PPP6R2: variants seen among roughly 807,000 people sequenced by gnomAD.
PPP6R2 encodes protein phosphatase 6 regulatory subunit 2.
A neutral mutation model predicts 100.2 loss-of-function variants in PPP6R2; 62 were observed. The ratio of observed to expected loss-of-function variants is 0.62; its 90% CI spans 0.50 to 0.76. The LOEUF (loss-of-function observed/expected upper bound fraction) is 0.76. Ranked by LOEUF, PPP6R2 falls within the 30% of genes least tolerant of loss-of-function variation. The pLI, the probability that PPP6R2 is intolerant of heterozygous loss-of-function variation, is 0.00. For missense variants in PPP6R2, 1,142 were observed against 1,276.3 expected, an observed-to-expected ratio of 0.89 and a Z score of 1.60; for synonymous variants, 525 against 514.7, an observed-to-expected ratio of 1.02 and a Z score of -0.27.
At chr22:50,435,226 T>A in intron 13 of PPP6R2, 145 bp downstream of exon 13, 1 of 599,378 alleles carries the variant, frequency 1.7e-6, no homozygotes, top group Non-Finnish European at 2.8e-6. Flanking sequence ...TCCTCTCACT[T>A]CACACATCAC....
intron 4 of PPP6R2, among the ~76,000 whole-genome samples, chr22:50,407,165 G>A (rs928975161): frequency 6.6e-6 from 1 of 152,124 alleles, no homozygotes; most frequent in Non-Finnish European, 1.5e-5. Flanking sequence ...TGGCCAACAT[G>A]ACAAAACCCT....
At chr22:50,360,225 G>C (rs2047504491) in intron 1 of PPP6R2, among the ~76,000 whole-genome samples, 1 of 151,420 alleles carries the variant, frequency 6.6e-6, no homozygotes, top group Admixed American at 6.6e-5. Flanking sequence ...GCTGATTTTT[G>C]TATTTTTAGT....
chr22:50,363,018 G>A (rs2048086850), intron 1 of PPP6R2, among the ~76,000 whole-genome samples: 1 of 152,190 alleles, frequency 6.6e-6, no homozygotes, highest in African/African-American at 2.4e-5. Context: ...GTGGCCTGAG[G>A]ATGTATTTAG....
In PPP6R2 at chr22:50,393,799, G is replaced by A. The variant is rs115555503; in HGVS notation, c.-16-94G>A. On this transcript the variant is annotated intron_variant, in intron 2 of 23. Transcript: ENST00000612753. ...GTGTTGCTGAGGGTGGATCTGCAGA[G>A]GTGAGAGAAATGACCCCTTTGGACT... 5,902 of 1,562,800 alleles carry A rather than the reference G, an allele frequency of 3.8e-3. 205 individuals carry two copies. In the African/African-American group the frequency reaches 0.069, roughly 18 times the overall value.
upstream of PPP6R2, among the ~76,000 whole-genome samples, chr22:50,341,035 C>T (rs1485621799): frequency 6.6e-6 from 1 of 152,074 alleles, no homozygotes; most frequent in African/African-American, 2.4e-5. Context: ...CTCAGCCTCC[C>T]GAGTAGCTGG....
the PPP6R2 span, among the ~76,000 whole-genome samples, chr22:50,333,400 A>G: frequency 1.3e-5 from 2 of 150,022 alleles, no homozygotes; most frequent in African/African-American, 4.9e-5. Flanking sequence ...GCAGTGGCAC[A>G]ATCTTGGCTC....
In PPP6R2 at chr22:50,422,280, C is replaced by A; in HGVS notation, c.872C>A (p.Ser291Tyr). 1 of 1,614,064 alleles carries A rather than the reference C, an allele frequency of 6.2e-7. No individual in the cohort carries two copies. The highest frequency in any genetic ancestry group is 8.5e-7 in the Non-Finnish European group (1 of 1,179,958). The change falls in exon 9 of 24, where the codon TCT becomes TAT. Residue 291 changes from serine to tyrosine, a missense_variant. By Grantham distance (144) the Ser-to-Tyr change is moderately radical. Transcript: ENST00000612753. ...VGTEGLVDSF[S>Y]QGLERSYAVS... is the part of the protein sequence containing the mutation. ...ACAGAGGGCTTGGTGGACTCCTTTTCTCAGGGACTGGAAAGGTCATACGCT... is the reference window on the plus strand; with the variant it reads ...ACAGAGGGCTTGGTGGACTCCTTTTATCAGGGACTGGAAAGGTCATACGCT...
At chr22:50,355,093 T>C (rs909371093) in intron 1 of PPP6R2, among the ~76,000 whole-genome samples, 3 of 152,022 alleles carry the variant, frequency 2.0e-5, no homozygotes, top group African/African-American at 7.2e-5. Flanking sequence ...TCCTCCCACC[T>C]CAGCCTCCCA....
Position 50,443,858 on chromosome 22 carries a change from C to A in PPP6R2, c.2580-8C>A, listed in dbSNP as rs775319051. ...TGCCCGTAACCGGAGTCCATGTTTG[C>A]CACACAGGGTCGGGTGTGCTGACAG... On this transcript the variant is annotated splice_polypyrimidine_tract_variant and splice_region_variant and intron_variant, in intron 22 of 23. Transcript: ENST00000612753. 2.6e-6 allele frequency: 4 copies of A among 1,566,400 alleles called. 1 individual carries two copies. In the Admixed American group the frequency reaches 7.1e-5, roughly 28 times the overall value.
Position 50,423,359 on chromosome 22 carries a change from C to T in PPP6R2, c.973-103C>T, listed in dbSNP as rs917186053. 34 of 1,428,772 alleles carry T rather than the reference C, an allele frequency of 2.4e-5. No homozygotes were observed. The highest frequency in any genetic ancestry group is 1.7e-4 in the African/African-American group (12 of 70,730). 88.5% of individuals were successfully genotyped at this position (1,428,772 alleles called of 1,614,324 possible). A position where few individuals can be genotyped will look rare whatever the true frequency, so the allele number is the denominator to read the frequency against. ...ACCCCCACCACATACCTCGCTACCC[C>T]AGGCTGGGTCCCAGCCTAGAGTGAT... On this transcript the variant is annotated intron_variant, in intron 9 of 23. Coordinates refer to ENST00000612753, the MANE Select transcript of PPP6R2 (RefSeq NM_001242898.2). The surrounding 1 kb of genome is among the most constrained non-coding windows in gnomAD (Gnocchi z 4.8).
Position 50,437,121 on chromosome 22 carries a change from T to A in PPP6R2, c.1683+53T>A, listed in dbSNP as rs2064489438. The A allele has an allele frequency of 2.8e-5, 41 of 1,479,192 alleles. No homozygotes were observed. The South Asian group carries it at 4.4e-4, about 16-fold the overall frequency. 91.6% of individuals were successfully genotyped at this position (1,479,192 alleles called of 1,614,324 possible). ...TGCCGGGCCCTTCCCGGCACCTGTG[T>A]GCGCTGCGCTTGGTCCTCCAGACGA... On this transcript the variant is annotated intron_variant, in intron 15 of 23. Coordinates refer to ENST00000612753, the MANE Select transcript of PPP6R2 (RefSeq NM_001242898.2).
intron 1 of PPP6R2, among the ~76,000 whole-genome samples, chr22:50,351,282 C>T (rs867755274): frequency 4.1e-5 from 6 of 145,618 alleles, no homozygotes; most frequent in East Asian, 4.2e-4. Context: ...TCAAGTGATC[C>T]GCCCGCCTTG....
chr22:50,338,598 G>GGT (rs550755375), upstream of PPP6R2, among the ~76,000 whole-genome samples: 1 of 129,352 alleles, frequency 7.7e-6, no homozygotes, highest in Non-Finnish European at 1.6e-5. Flanking sequence ...TGTGGTGTGT[G>GGT]GTGTGTGTGG....
chr22:50,402,410 C>T (rs2058204654), intron 3 of PPP6R2, among the ~76,000 whole-genome samples: 1 of 151,706 alleles, frequency 6.6e-6, no homozygotes, highest in East Asian at 1.9e-4. Context: ...GTCCCTGGCC[C>T]CAGGAGCCAT....
At position 50,431,423 on chromosome 22, in the gene PPP6R2, C is replaced by T; in HGVS notation, c.1335+41C>T. ...ATCCATCTTATCAGCGCCAACTGCG[C>T]CCCACTCAGACCGTGTCCATGTCAG... On this transcript the variant is annotated intron_variant, in intron 11 of 23. Transcript: ENST00000612753. The surrounding 1 kb of genome is among the most constrained non-coding windows in gnomAD (Gnocchi z 4.8). The T allele has an allele frequency of 1.3e-6, 2 of 1,556,442 alleles. No homozygotes were observed. The highest frequency in any genetic ancestry group is 8.8e-7 in the Non-Finnish European group (1 of 1,137,862).
intron 8 of PPP6R2, among the ~76,000 whole-genome samples, chr22:50,421,044 G>A (rs2061264070): frequency 6.6e-6 from 1 of 152,106 alleles, no homozygotes; most frequent in African/African-American, 2.4e-5. Context: ...AAAATGATAA[G>A]AAATTGACTT....
chr22:50,373,749 T>C (rs757667713), intron 2 of PPP6R2, among the ~76,000 whole-genome samples: 2 of 151,976 alleles, frequency 1.3e-5, no homozygotes, highest in Non-Finnish European at 2.9e-5. Flanking sequence ...TGTTTTTTTT[T>C]GTGAGACAGA....
At chr22:50,333,968 GGA>G in the PPP6R2 span, among the ~76,000 whole-genome samples, 3 of 152,160 alleles carry the variant, frequency 2.0e-5, no homozygotes, top group Non-Finnish European at 2.9e-5. Context: ...TAGCCAAGGT[GGA>G]GAGAGAGAGA....
chr22:50,436,270 C>A, intron 13 of PPP6R2, 97 bp from the exon 14 acceptor site: 2 of 1,066,712 alleles, frequency 1.9e-6, no homozygotes, highest in Admixed American at 2.1e-5. Context: ...AGCGCCCCAT[C>A]CTCCCGGACC....
Sources: gnomAD v4.1 joint callset for allele counts (sites outside exome capture counted in the v4.1 genomes callset) on GRCh38, gnomAD v4.1.1 for gene constraint, Gnocchi (gnomAD v3.1) non-coding constraint, MANE v1.5 for transcripts, NCBI Gene and HGNC (gene_info 2026-07-23, HGNC 2026-07-21) for gene names.